Variants in ZMYND11 observed in about 807,000 individuals in gnomAD.
ZMYND11 encodes the protein zinc finger MYND-type containing 11, also known as zinc finger MYND domain-containing protein 11.
In ZMYND11, 9 loss-of-function variants were observed where a neutral mutation model predicts 84.9. The observed-to-expected ratio is 0.11, with a 90% CI of 0.06 to 0.18. ZMYND11 has a LOEUF of 0.18. Among genes scored for constraint, ZMYND11 ranks in the 10% least tolerant of loss-of-function variants. The probability of loss-of-function intolerance (pLI) is 1.00; values close to 1 mark genes in which losing one functional copy is unlikely to be tolerated. For synonymous variants in ZMYND11, 250 were observed against 244.1 expected, an observed-to-expected ratio of 1.02 and a Z score of -0.23; for missense variants, 409 against 761.0, an observed-to-expected ratio of 0.54 and a Z score of 5.44.
chr10:176,045 TC>T (rs1195816638), intron 1 of ZMYND11, among the ~76,000 whole-genome samples: 2 of 152,210 alleles, frequency 1.3e-5, no homozygotes, highest in Non-Finnish European at 2.9e-5. Context: ...TATGTATATA[TC>T]ACCAAGCAAC....
chr10:247,009 ATTACT>A (rs1952296232), intron 11 of ZMYND11, 36 bp downstream of exon 11: 2 of 1,544,132 alleles, frequency 1.3e-6, no homozygotes, highest in African/African-American at 2.7e-5. Context: ...CCTATTCATT[ATTACT>A]TTTAAATGCA....
intron 2 of ZMYND11, among the ~76,000 whole-genome samples, chr10:192,114 G>T (rs1056680438): frequency 5.9e-5 from 9 of 152,154 alleles, no homozygotes; most frequent in Admixed American, 2.6e-4. Context: ...AGATCTGTGT[G>T]ACTTTGCAGG....
chr10:194,578 C>A (rs1348029439), intron 2 of ZMYND11, among the ~76,000 whole-genome samples: 2 of 152,176 alleles, frequency 1.3e-5, no homozygotes, highest in Non-Finnish European at 2.9e-5. Flanking sequence ...CTCTCCAACA[C>A]CTGGTATTGT....
chr10:136,806 G>A (rs544426424), intron 1 of ZMYND11, among the ~76,000 whole-genome samples: 42 of 151,856 alleles, frequency 2.8e-4, no homozygotes, highest in Non-Finnish European at 5.3e-4. Flanking sequence ...CTTTCACACT[G>A]TGTATGCAGC....
At chr10:139,947 C>T (rs1837115271) in intron 1 of ZMYND11, among the ~76,000 whole-genome samples, 2 of 152,062 alleles carry the variant, frequency 1.3e-5, no homozygotes, top group Admixed American at 6.6e-5. Flanking sequence ...TGTAGGTGAT[C>T]TGCCCATCTT....
chr10:145,154 A>G (rs1189978613), intron 1 of ZMYND11, among the ~76,000 whole-genome samples: 6 of 150,946 alleles, frequency 4.0e-5, no homozygotes, highest in African/African-American at 9.7e-5. Context: ...GTGTATATAT[A>G]TATGTGTGTG....
intron 10 of ZMYND11, among the ~76,000 whole-genome samples, chr10:244,891 AAGAT>A (rs917794869): frequency 3.3e-5 from 5 of 152,242 alleles, no homozygotes; most frequent in African/African-American, 1.2e-4. Context: ...CACTTTATTT[AAGAT>A]AAATAAGGAA....
intron 1 of ZMYND11, among the ~76,000 whole-genome samples, chr10:165,147 T>C (rs141772198): frequency 1.2e-4 from 19 of 152,178 alleles, no homozygotes; most frequent in African/African-American, 3.4e-4. Context: ...TCCAGTCCAG[T>C]TGGGGTGCTA....
intron 2 of ZMYND11, among the ~76,000 whole-genome samples, chr10:183,539 T>C (rs1848321325): frequency 6.6e-6 from 1 of 152,230 alleles, no homozygotes; most frequent in Non-Finnish European, 1.5e-5. Context: ...CTATCTTTCC[T>C]TTTCTAACTG....
At chr10:151,249 A>G (rs555388178) in intron 1 of ZMYND11, among the ~76,000 whole-genome samples, 3 of 152,326 alleles carry the variant, frequency 2.0e-5, no homozygotes, top group African/African-American at 7.2e-5. Flanking sequence ...AGAAGGCTTC[A>G]GACGATCAAA....
chr10:142,563 A>G (rs191804399), intron 1 of ZMYND11, among the ~76,000 whole-genome samples: 129 of 152,278 alleles, frequency 8.5e-4, no homozygotes, highest in African/African-American at 3.0e-3. Context: ...GACATAATCA[A>G]ATTGGTCTGA....
intron 1 of ZMYND11, among the ~76,000 whole-genome samples, chr10:146,197 G>T (rs1254144513): frequency 2.0e-5 from 3 of 152,022 alleles, no homozygotes; most frequent in Admixed American, 6.6e-5. Context: ...GTAAGTATTT[G>T]GCCTTATTTC....
intron 3 of ZMYND11, among the ~76,000 whole-genome samples, chr10:215,561 G>GTTT (rs764307085): frequency 3.1e-3 from 430 of 138,346 alleles, no homozygotes; most frequent in Middle Eastern, 0.031. Flanking sequence ...TTTGTTTTTT[G>GTTT]TTTTTTTTTT....
intron 1 of ZMYND11, among the ~76,000 whole-genome samples, chr10:152,739 C>T (rs1471107241): frequency 6.6e-6 from 1 of 152,180 alleles, no homozygotes; most frequent in Non-Finnish European, 1.5e-5. Flanking sequence ...AACTCTCCAC[C>T]CCAAATCAAC....
intron 14 of ZMYND11, 23 bp downstream of exon 14, chr10:249,111 C>G (rs779943426): frequency 1.9e-6 from 3 of 1,613,684 alleles, no homozygotes; most frequent in Non-Finnish European, 2.5e-6. Context: ...CTTTTTTAGA[C>G]CCTTATTTCT....
intron 3 of ZMYND11, among the ~76,000 whole-genome samples, chr10:211,310 A>T (rs1429075524): frequency 6.6e-6 from 1 of 152,092 alleles, no homozygotes; most frequent in Non-Finnish European, 1.5e-5. Context: ...CTTTCTATAG[A>T]TTGAGTTTGT....
intron 3 of ZMYND11, among the ~76,000 whole-genome samples, chr10:210,839 G>C (rs1204149421): frequency 6.6e-6 from 1 of 151,922 alleles, no homozygotes; most frequent in Admixed American, 6.6e-5. Flanking sequence ...TTTTTACAAG[G>C]GAACATCATT....
intron 2 of ZMYND11, among the ~76,000 whole-genome samples, chr10:183,318 A>G (rs1044149650): frequency 1.4e-5 from 2 of 148,022 alleles, no homozygotes; most frequent in African/African-American, 5.0e-5. Flanking sequence ...CCTGTAGTCT[A>G]GTTTAACCTG....
chr10:248,483 A>T lies in ZMYND11; in HGVS notation c.1375A>T (p.Asn459Tyr). ...GCTGCATCGGAGCACCCAGACCACA[A>T]ACGACGGCGTGTGTCAGAGCATGTG... ...RMLHRSTQTT[N>Y]DGVCQSMCHD... Residue 459 changes from asparagine (N) to tyrosine (Y), a missense_variant, in exon 13 of 15, where the codon AAC (asparagine) becomes TAC (tyrosine). Around this residue, in one of 7 missense-constraint regions of ZMYND11, gnomAD observed 141 missense variants for 173.8 expected, o/e 0.81. Coordinates refer to ENST00000381604, the MANE Select transcript of ZMYND11 (RefSeq NM_001370100.5). The T allele has an allele frequency of 6.2e-7, 1 of 1,614,082 alleles. No individual in the cohort carries two copies. Among genetic ancestry groups the T allele is most frequent in the Non-Finnish European group, 8.5e-7 (1 of 1,180,008 alleles).
Sources: allele counts gnomAD v4.1 joint callset (sites outside exome capture counted in the v4.1 genomes callset), GRCh38; gene constraint gnomAD v4.1.1; regional missense constraint gnomAD v4.1.1; transcripts MANE v1.5; gene names NCBI Gene and HGNC (gene_info 2026-07-23, HGNC 2026-07-21).